The following TRERF1 variants were observed in gnomAD, a reference collection of about 807,000 sequenced individuals.
TRERF1 encodes transcriptional regulating factor 1, also known as transcriptional-regulating factor 1.
A neutral mutation model predicts 122.9 loss-of-function variants in TRERF1; 27 were observed. The ratio of observed to expected loss-of-function variants is 0.22; its 90% CI spans 0.16 to 0.30. TRERF1 has a LOEUF of 0.30. TRERF1 is among the 10% of genes least tolerant of loss of function. The pLI is 1.00. For synonymous variants in TRERF1, 636 were observed against 641.7 expected (o/e 0.99, Z 0.13); for missense variants, 1,248 against 1,560.3 (o/e 0.80, Z 3.37).
intron 4 of TRERF1, among the ~76,000 whole-genome samples, chr6:42,290,816 G>A (rs1784204347): frequency 7.0e-6 from 1 of 143,042 alleles, no homozygotes; most frequent in African/African-American, 2.6e-5. Context: ...GCCCTGGGAT[G>A]GGGAAATCAG....
At chr6:42,285,902 G>T (rs536568010) in intron 4 of TRERF1, among the ~76,000 whole-genome samples, 129 of 150,994 alleles carry the variant, frequency 8.5e-4, no homozygotes, top group African/African-American at 2.9e-3. Flanking sequence ...ATACTACAAG[G>T]CTACAGTAAC....
chr6:42,308,958 G>A (rs964626850), intron 3 of TRERF1, among the ~76,000 whole-genome samples: 16 of 61,302 alleles, frequency 2.6e-4, no homozygotes, highest in Non-Finnish European at 4.7e-4. Flanking sequence ...CATTTTTTAC[G>A]TGAAAAAAAA....
At chr6:42,388,337 A>G (rs73733168) in intron 2 of TRERF1, among the ~76,000 whole-genome samples, 13,889 of 151,830 alleles carry the variant, frequency 0.091, 954 homozygotes, top group African/African-American at 0.19. Context: ...CATCTATTAC[A>G]CAGGTAGATG....
intron 2 of TRERF1, among the ~76,000 whole-genome samples, chr6:42,428,980 C>A (rs1441995578): frequency 6.6e-6 from 1 of 152,196 alleles, no homozygotes; most frequent in Non-Finnish European, 1.5e-5. Flanking sequence ...GTCCCTCTCG[C>A]AGCAGGCTGA....
At chr6:42,314,186 C>T (rs925256558) in intron 3 of TRERF1, among the ~76,000 whole-genome samples, 1 of 152,146 alleles carries the variant, frequency 6.6e-6, no homozygotes, top group African/African-American at 2.4e-5. Flanking sequence ...ATGAAAACCT[C>T]CACCATGGCA....
At chr6:42,347,482 A>C (rs138576083) in intron 3 of TRERF1, among the ~76,000 whole-genome samples, 2 of 152,302 alleles carry the variant, frequency 1.3e-5, no homozygotes, top group African/African-American at 4.8e-5. Flanking sequence ...TATTCAACAC[A>C]TATTTACTTT....
At position 42,228,452 on chromosome 6, in the gene TRERF1, C is replaced by T. The variant is rs370522700; in HGVS notation, c.3496G>A (p.Val1166Ile). ...ATGACACCTCCCAACTGCTGGACGA[C>T]GTCGTCGTCGAGGATGTCCACATCC... Residue 1166 changes from valine to isoleucine, a missense_variant, in exon 18 of 18, where the codon GTC (valine) becomes ATC (isoleucine). Val to Ile is a conservative substitution (Grantham distance 29). Around this residue, in one of 5 missense-constraint regions of TRERF1, gnomAD observed 84 missense variants for 116.0 expected, o/e 0.72. Coordinates refer to ENST00000372922, the Ensembl canonical transcript of TRERF1. This position sits in a 1 kb window ranked among gnomAD's most constrained non-coding sequence, Gnocchi z 4.2. 61 of 1,614,066 alleles carry T rather than the reference C, an allele frequency of 3.8e-5. No individual in the cohort carries two copies. Among genetic ancestry groups the T allele is most frequent in the Middle Eastern group, 1.6e-4 (1 of 6,084 alleles).
exon 18 of TRERF1, chr6:42,226,409 G>T (rs573428657): frequency 6.6e-6 from 1 of 152,198 alleles, no homozygotes; most frequent in African/African-American, 2.4e-5. Context: ...TGGGAGAGAC[G>T]ATCAGCCAAG....
At chr6:42,439,072 G>A (rs534411861) in intron 2 of TRERF1, among the ~76,000 whole-genome samples, 1 of 152,314 alleles carries the variant, frequency 6.6e-6, no homozygotes, top group Non-Finnish European at 1.5e-5. Context: ...GAGATGGAGA[G>A]AGAAATGGCA....
chr6:42,350,131 C>G (rs1454392222), intron 3 of TRERF1, among the ~76,000 whole-genome samples: 3 of 152,028 alleles, frequency 2.0e-5, no homozygotes, highest in Non-Finnish European at 4.4e-5. Context: ...CCTTGACCAC[C>G]CACCCGACGC....
chr6:42,341,184 T>C (rs1024009771), intron 3 of TRERF1, among the ~76,000 whole-genome samples: 3 of 152,326 alleles, frequency 2.0e-5, no homozygotes, highest in East Asian at 1.9e-4. Context: ...CCCCGCTCTG[T>C]GTGATGTTAA....
chr6:42,311,765 CAAAAAAA>C (rs10530333), intron 3 of TRERF1, among the ~76,000 whole-genome samples: 14 of 34,592 alleles, frequency 4.0e-4, no homozygotes, highest in Admixed American at 1.9e-3. Context: ...GACTCCGTCT[CAAAAAAA>C]AAAAAAAAAA....
At chr6:42,325,313 T>C (rs2150506532) in intron 3 of TRERF1, among the ~76,000 whole-genome samples, 1 of 152,316 alleles carries the variant, frequency 6.6e-6, no homozygotes, top group East Asian at 1.9e-4. Flanking sequence ...GATGGGAGTG[T>C]AAATTAGTTC....
chr6:42,271,006 A>T (rs771371562), intron 4 of TRERF1, among the ~76,000 whole-genome samples: 1 of 151,588 alleles, frequency 6.6e-6, no homozygotes, highest in Non-Finnish European at 1.5e-5. Context: ...TGACCTCATG[A>T]TCCGCCTGTC....
At chr6:42,262,465 AG>A (rs34785448) in intron 8 of TRERF1, among the ~76,000 whole-genome samples, 19,568 of 37,400 alleles carry the variant, frequency 0.52, 4,776 homozygotes, top group South Asian at 0.61. Flanking sequence ...AGAGAGAGAG[AG>A]GAGAGAGAGA....
chr6:42,383,612 C>A (rs1776318423), intron 2 of TRERF1, among the ~76,000 whole-genome samples: 1 of 152,118 alleles, frequency 6.6e-6, no homozygotes, highest in African/African-American at 2.4e-5. Flanking sequence ...CAGCAGCCTC[C>A]AATGCAGCAA....
At chr6:42,267,016 C>T (rs913320018) in intron 5 of TRERF1, among the ~76,000 whole-genome samples, 2 of 152,174 alleles carry the variant, frequency 1.3e-5, no homozygotes, top group African/African-American at 4.8e-5. Flanking sequence ...ATCTGCGAGA[C>T]TCACAATGCA....
chr6:42,376,149 T>G lies in TRERF1; in HGVS notation c.-453-13070A>C, dbSNP rs116863738. Among the ~76,000 whole-genome samples the G allele has an allele frequency of 2.8e-4, 43 of 152,262 alleles. No homozygotes were observed. The East Asian group carries it at 7.3e-3, about 26-fold the overall frequency. On this transcript the variant is annotated intron_variant, in intron 2 of 17. Transcript: ENST00000372922. ...GTGAAGGGGGCCTGGCCACCCCCAG[T>G]TCCAGGGCACTGAGCACTCCCACCC...
intron 3 of TRERF1, among the ~76,000 whole-genome samples, chr6:42,309,171 T>C (rs1787805980): frequency 6.6e-6 from 1 of 152,114 alleles, no homozygotes; most frequent in South Asian, 2.1e-4. Flanking sequence ...GCAGGGTCGA[T>C]TTGTGTAAAC....
Sources: gnomAD v4.1 joint callset for allele counts (sites outside exome capture counted in the v4.1 genomes callset) on GRCh38, gnomAD v4.1.1 for gene constraint, gnomAD v4.1.1 regional missense constraint, Gnocchi (gnomAD v3.1) non-coding constraint, MANE v1.5 for transcripts, NCBI Gene and HGNC (gene_info 2026-07-23, HGNC 2026-07-21) for gene names.